CEP290: variants seen among roughly 807,000 people sequenced by gnomAD.
CEP290 encodes the protein centrosomal protein of 290 kDa.
In CEP290, 317 loss-of-function variants were observed where a neutral mutation model predicts 344.9. The observed-to-expected ratio is 0.92, with a 90% CI of 0.84 to 1.01. CEP290 has a LOEUF of 1.01. CEP290 is among the 50% of genes least tolerant of loss of function. The pLI, the probability that CEP290 is intolerant of heterozygous loss-of-function variation, is 0.00. For missense variants in CEP290, 2,754 were observed against 2,761.4 expected (o/e 1.00, Z 0.06); for synonymous variants, 932 against 895.8 (o/e 1.04, Z -0.72).
intron 41 of CEP290, 30 bp downstream of exon 41, chr12:88,077,192 G>A (rs747659994): frequency 1.5e-5 from 24 of 1,587,752 alleles, no homozygotes; most frequent in Non-Finnish European, 1.2e-5. Flanking sequence ...ACTACCTTAA[G>A]CATATAAGTC....
At chr12:88,061,922 G>A (rs2034515073) in intron 46 of CEP290, among the ~76,000 whole-genome samples, 1 of 151,976 alleles carries the variant, frequency 6.6e-6, no homozygotes, top group Non-Finnish European at 1.5e-5. Flanking sequence ...AGGATTACAG[G>A]CATGAGCCAC....
intron 44 of CEP290, among the ~76,000 whole-genome samples, chr12:88,065,490 A>G (rs1475317770): frequency 6.6e-6 from 1 of 152,322 alleles, no homozygotes; most frequent in Non-Finnish European, 1.5e-5. Flanking sequence ...TATTAGGTTA[A>G]TACTAGGCAA....
intron 6 of CEP290, 66 bp from the exon 7 acceptor site, chr12:88,131,284 T>G: frequency 9.0e-7 from 1 of 1,114,318 alleles, no homozygotes; most frequent in Non-Finnish European, 1.2e-6. Context: ...TTTTTTTTTT[T>G]TGAGACAAAG....
Position 88,058,890 on chromosome 12 carries a change from T to G in CEP290, c.6776A>C (p.Glu2259Ala). The part of the protein sequence containing the change: ...QFAESRGPQL[E>A]GADSKSWKSI... Reference sequence around the variant, plus strand: ...TTTCCAGCTCTTACTGTCAGCACCTTCAAGCTGTGGACCTCTGCTTTCTGC... The same window carrying G: ...TTTCCAGCTCTTACTGTCAGCACCTGCAAGCTGTGGACCTCTGCTTTCTGC... Residue 2259 changes from glutamate (E) to alanine (A), a missense_variant, in exon 49 of 54, where the codon GAA becomes GCA. Transcript: ENST00000552810. 10 of 1,613,960 alleles carry G rather than the reference T, an allele frequency of 6.2e-6. No individual in the cohort carries two copies. Among genetic ancestry groups the G allele is most frequent in the Non-Finnish European group, 7.6e-6 (9 of 1,179,884 alleles).
In CEP290 at chr12:88,077,754, A is replaced by T; in HGVS notation, c.5529T>A (p.Ile1843=). 6.3e-7 allele frequency: 1 copy of T among 1,580,738 alleles called. No individual in the cohort carries two copies. The highest frequency in any genetic ancestry group is 1.4e-5 in the African/African-American group (1 of 73,152). ...YNKILREKEE[I]DQENDELKRQ... is the part of the protein sequence containing the mutation. ...TTTTCAGTTCATCATTCTCTTGATC[A>T]ATTTCCTCTTTCTCTCTAAGTATTT... is the stretch of plus-strand genomic sequence containing the variant. Residue 1843 remains isoleucine, a synonymous_variant, in exon 40 of 54, where the codon ATT becomes ATA. Coordinates refer to ENST00000552810, the MANE Select transcript of CEP290 (RefSeq NM_025114.4).
rs1261226265 is a variant in CEP290, at chr12:88,136,650, T to C, written c.434A>G (p.Asn145Ser). ...AAAAAAAAAGTGCTTTACTTGCTCA[T>C]TAACTTTCTTCTCTTTCTCCAACTC... The part of the protein sequence containing the change: ...EKELEKEKKV[N>S]EQLALRNEEA... Residue 145 changes from asparagine (N) to serine (S), a missense_variant, in exon 6 of 54, where the codon AAT (asparagine) becomes AGT (serine). Physicochemically the swap from Asn to Ser is conservative, Grantham distance 46. Transcript: ENST00000552810. The C allele has an allele frequency of 2.5e-6, 4 of 1,613,540 alleles. No individual in the cohort carries two copies. The highest frequency in any genetic ancestry group is 3.4e-6 in the Non-Finnish European group (4 of 1,179,686).
chr12:88,049,033 A>G lies in CEP290; in HGVS notation c.*151T>C, dbSNP rs2033206514. The G allele has an allele frequency of 1.8e-5, 8 of 440,602 alleles. No individual in the cohort carries two copies. The allele number at this position is 440,602 out of a possible 1,614,324, so 27.3% of individuals were successfully genotyped here. A position where few individuals can be genotyped will look rare whatever the true frequency, so the allele number is the denominator to read the frequency against. ...TTTTATAATAAGTTGAAAATTTCAT[A>G]TAATTTTATTTATTAAGAATTCCAA... On this transcript the variant is annotated 3_prime_UTR_variant, in exon 54 of 54. Coordinates refer to ENST00000552810, the MANE Select transcript of CEP290 (RefSeq NM_025114.4).
Position 88,093,986 on chromosome 12 carries a change from TAATATTTA to T in CEP290, c.3104-19_3104-12del. ...TGCTAGATTCATTACCTACATGCAATAATATTTAAGTCAATCTCATGCTGTTTATATTA... is the reference window on the plus strand; with the variant it reads ...TGCTAGATTCATTACCTACATGCAATAGTCAATCTCATGCTGTTTATATTA... On this transcript the variant is annotated splice_polypyrimidine_tract_variant and intron_variant, in intron 27 of 53. Transcript: ENST00000552810. 6.3e-7 allele frequency: 1 copy of T among 1,577,168 alleles called. No homozygotes were observed. The highest frequency in any genetic ancestry group is 1.2e-5 in the South Asian group (1 of 85,838).
At chr12:88,124,253 C>A (rs558374277) in intron 13 of CEP290, among the ~76,000 whole-genome samples, 4 of 152,202 alleles carry the variant, frequency 2.6e-5, no homozygotes, top group South Asian at 4.1e-4. Flanking sequence ...CTGGTCTTAT[C>A]ACTGCCTCAC....
rs763559949 is a variant in CEP290 at position 88,118,673 on chromosome 12, G to T, written c.1593C>A (p.Tyr531Ter). The change falls in exon 16 of 54, where the codon TAC (tyrosine) becomes TAA (stop). Residue 531 changes from tyrosine to a stop codon, truncating the protein, a stop_gained. Coordinates refer to ENST00000552810, the MANE Select transcript of CEP290 (RefSeq NM_025114.4). LOFTEE classifies it high-confidence loss of function. ...RNSKHLKQQQYRAENQILLKE... is the reference protein window; with the variant it reads ...RNSKHLKQQQ ...TCAAAAGAATCTGGTTTTCAGCTCT[G>T]TACTGCTGCTGTTTTAAGTGTTTGC... 6 of 1,613,410 alleles carry T rather than the reference G, an allele frequency of 3.7e-6. No individual in the cohort carries two copies. The highest frequency in any genetic ancestry group is 5.1e-6 in the Non-Finnish European group (6 of 1,179,650).
At chr12:88,111,585 A>T in intron 21 of CEP290, 109 bp downstream of exon 21, 1 of 957,606 alleles carries the variant, frequency 1.0e-6, no homozygotes, top group Non-Finnish European at 1.5e-6. Flanking sequence ...TGAAAGAATT[A>T]ATTCAAGGGG....
chr12:88,131,640 A>G (rs2040079466), intron 6 of CEP290, among the ~76,000 whole-genome samples: 1 of 152,188 alleles, frequency 6.6e-6, no homozygotes, highest in African/African-American at 2.4e-5. Context: ...AAAGTAGAAA[A>G]TGTTAAAGCT....
intron 44 of CEP290, among the ~76,000 whole-genome samples, chr12:88,067,361 C>T (rs187671783): frequency 3.7e-4 from 56 of 152,232 alleles, no homozygotes; most frequent in African/African-American, 1.3e-3. Context: ...TATATATGTA[C>T]GTAAGCTACT....
intron 10 of CEP290, 128 bp from the exon 11 acceptor site, chr12:88,129,163 T>TTAC: frequency 2.2e-6 from 1 of 449,906 alleles, no homozygotes; most frequent in Non-Finnish European, 3.8e-6. Flanking sequence ...TTCATACTTA[T>TTAC]ATACACATAC....
intron 6 of CEP290, among the ~76,000 whole-genome samples, chr12:88,134,511 C>G (rs937151152): frequency 6.6e-6 from 1 of 152,200 alleles, no homozygotes; most frequent in Non-Finnish European, 1.5e-5. Context: ...GAACCAAATT[C>G]ATTAGGAACT....
intron 5 of CEP290, among the ~76,000 whole-genome samples, chr12:88,137,965 G>T (rs977741870): frequency 2.6e-5 from 4 of 152,140 alleles, no homozygotes; most frequent in Non-Finnish European, 5.9e-5. Context: ...AAAATGCACT[G>T]GGAATTTAAG....
intron 33 of CEP290, 66 bp from the exon 34 acceptor site, chr12:88,086,239 C>T (rs575056345): frequency 1.9e-6 from 3 of 1,565,848 alleles, no homozygotes; most frequent in East Asian, 2.2e-5. Context: ...TTAATTTTTA[C>T]AGCTGTATGA....
chr12:88,124,478 A>ACTT (rs1370371100), intron 13 of CEP290, among the ~76,000 whole-genome samples: 5 of 152,010 alleles, frequency 3.3e-5, no homozygotes, highest in Admixed American at 3.3e-4. Flanking sequence ...ACATCACTAC[A>ACTT]CTTACACACA....
chr12:88,087,676 C>T (rs181454706), intron 32 of CEP290, 104 bp downstream of exon 32: 65 of 372,412 alleles, frequency 1.7e-4, no homozygotes, highest in African/African-American at 1.3e-3. Context: ...GCCGAGATCA[C>T]GCCACTGCAC....
Sources: gnomAD v4.1 joint callset for allele counts (sites outside exome capture counted in the v4.1 genomes callset) on GRCh38, gnomAD v4.1.1 for gene constraint, MANE v1.5 for transcripts, NCBI Gene and HGNC (gene_info 2026-07-23, HGNC 2026-07-21) for gene names.